The following CRADD variants were observed in gnomAD, a reference collection of about 807,000 sequenced individuals.
CRADD encodes the protein CARD and death domain containing adaptor protein, also known as death domain-containing protein CRADD.
A neutral mutation model predicts 15.5 loss-of-function variants in CRADD; 9 were observed. The ratio of observed to expected loss-of-function variants is 0.58; its 90% confidence interval spans 0.35 to 1.01. The LOEUF (loss-of-function observed/expected upper bound fraction) is 1.01. CRADD is among the 50% of genes least tolerant of loss of function. CRADD has a pLI of 0.02. For synonymous variants in CRADD, 118 were observed against 107.6 expected (o/e 1.10, Z -0.60); for missense variants, 227 against 250.3 (o/e 0.91, Z 0.63).
chr12:93,840,446 A>G (rs1958033296), intron 2 of CRADD, among the ~76,000 whole-genome samples: 1 of 152,160 alleles, frequency 6.6e-6, no homozygotes, highest in Admixed American at 6.5e-5. Context: ...CTCTTACTCT[A>G]ATAGATTATC....
intron 2 of CRADD, among the ~76,000 whole-genome samples, chr12:93,773,382 A>G (rs1344436371): frequency 6.6e-6 from 1 of 152,122 alleles, no homozygotes; most frequent in African/African-American, 2.4e-5. Flanking sequence ...TGATGATTAT[A>G]TAAGGGGGAG....
rs552770716 is a variant in CRADD, at chr12:93,706,110, C to T, written c.298+27038C>T. On this transcript the variant is annotated intron_variant, in intron 2 of 2. Coordinates refer to ENST00000332896, the MANE Select transcript of CRADD (RefSeq NM_003805.5). ...GAGACAAGTGTTGACATTTTGGTTT[C>T]TTTTGTTATGGTTTTATTGTTGTTA... Among the ~76,000 whole-genome samples, 323 of 152,160 alleles carry T rather than the reference C, an allele frequency of 2.1e-3. 2 individuals are homozygous for T. The highest frequency in any genetic ancestry group is 4.1e-3 in the Admixed American group (62 of 15,288).
At chr12:93,858,896 C>T (rs956607162) in intron 2 of CRADD, among the ~76,000 whole-genome samples, 2 of 152,226 alleles carry the variant, frequency 1.3e-5, no homozygotes, top group Admixed American at 6.5e-5. Flanking sequence ...GGTTTCCCCA[C>T]GCAGTCTATT....
chr12:93,769,335 C>T (rs1446373114), intron 2 of CRADD, among the ~76,000 whole-genome samples: 1 of 152,118 alleles, frequency 6.6e-6, no homozygotes, highest in African/African-American at 2.4e-5. Flanking sequence ...CCACTCGCCC[C>T]GCCCTCCCAA....
downstream of CRADD, among the ~76,000 whole-genome samples, chr12:93,855,023 C>T (rs1358924372): frequency 2.0e-5 from 3 of 151,866 alleles, no homozygotes; most frequent in Non-Finnish European, 1.5e-5. Context: ...TGTGAAACCC[C>T]GTCTCTACTA....
Position 93,776,472 on chromosome 12 carries a change from G to A in CRADD, c.299-73498G>A, listed in dbSNP as rs116314329. Among the ~76,000 whole-genome samples, 286 of 152,240 alleles carry A rather than the reference G, an allele frequency of 1.9e-3. 1 individual carries two copies. The highest frequency in any genetic ancestry group is 6.6e-3 in the African/African-American group (274 of 41,534). Reference sequence around the variant, plus strand: ...AGGCAGTACCATTTTCATTGTATCCGCAGGGTATGTGAATGCCTGTTTCCT... The same window carrying A: ...AGGCAGTACCATTTTCATTGTATCCACAGGGTATGTGAATGCCTGTTTCCT... On this transcript the variant is annotated intron_variant, in intron 2 of 2. Transcript: ENST00000332896.
rs116102220 is a variant in CRADD, at chr12:93,863,766, A to G, written c.299-30284A>G. Among the ~76,000 whole-genome samples, 689 of 152,254 alleles carry G rather than the reference A, an allele frequency of 4.5e-3. 7 individuals carry two copies. Among genetic ancestry groups the G allele is most frequent in the African/African-American group, 0.016 (656 of 41,542 alleles). ...ACCCAAAATACCAGTAACACCCCCAATAAGCACTGCTGTATGCTTCACATG... is the reference window on the plus strand; with the variant it reads ...ACCCAAAATACCAGTAACACCCCCAGTAAGCACTGCTGTATGCTTCACATG... On this transcript the variant is annotated intron_variant, in intron 2 of 2. Coordinates refer to the CRADD transcript ENST00000548483.
intron 2 of CRADD, among the ~76,000 whole-genome samples, chr12:93,721,828 A>G (rs922351194): frequency 2.0e-5 from 3 of 152,230 alleles, no homozygotes; most frequent in Admixed American, 2.0e-4. Context: ...AAGCATACAT[A>G]ACCAAATACA....
chr12:93,883,380 A>G (rs754634464), intron 2 of CRADD, among the ~76,000 whole-genome samples: 138 of 152,382 alleles, frequency 9.1e-4, no homozygotes, highest in Non-Finnish European at 1.6e-3. Flanking sequence ...AAGTATTACT[A>G]TAAGCTAAAT....
At chr12:93,706,521 G>C (rs1955955716) in intron 2 of CRADD, among the ~76,000 whole-genome samples, 1 of 152,166 alleles carries the variant, frequency 6.6e-6, no homozygotes, top group Non-Finnish European at 1.5e-5. Context: ...ATGTCTTGAA[G>C]GTAGTCGGGG....
chr12:93,685,936 T>C (rs1955420369), intron 2 of CRADD, among the ~76,000 whole-genome samples: 1 of 151,896 alleles, frequency 6.6e-6, no homozygotes, highest in African/African-American at 2.4e-5. Context: ...GAGGTTGTAG[T>C]GAGCTGAGAT....
At chr12:93,698,834 G>C (rs1030817413) in intron 2 of CRADD, among the ~76,000 whole-genome samples, 5 of 152,186 alleles carry the variant, frequency 3.3e-5, no homozygotes, top group Non-Finnish European at 5.9e-5. Context: ...GCAAATTTCA[G>C]TGTCTATAAA....
intron 2 of CRADD, among the ~76,000 whole-genome samples, chr12:93,713,621 CG>C (rs144946013): frequency 0.03 from 4,583 of 151,398 alleles, 138 homozygotes; most frequent in East Asian, 0.087. Flanking sequence ...GTTTTCTTAA[CG>C]TTTTTTTTAA....
intron 2 of CRADD, among the ~76,000 whole-genome samples, chr12:93,882,739 G>C (rs1202486040): frequency 6.6e-6 from 1 of 152,168 alleles, no homozygotes; most frequent in African/African-American, 2.4e-5. Context: ...TCTGAAGACA[G>C]CGTTGTCTTC....
chr12:93,807,912 G>A (rs1351993132), intron 2 of CRADD, among the ~76,000 whole-genome samples: 3 of 143,620 alleles, frequency 2.1e-5, no homozygotes, highest in Non-Finnish European at 1.5e-5. Context: ...GGTGAGAAGG[G>A]GTCTGACAGG....
rs147289299 is a variant in CRADD at position 93,820,781 on chromosome 12, T to C, written c.299-29189T>C. Among the ~76,000 whole-genome samples, 49 of 152,284 alleles carry C rather than the reference T, an allele frequency of 3.2e-4. No homozygotes were observed. In the East Asian group the frequency reaches 7.5e-3, roughly 23 times the overall value. ...TAAATTGGATCATGCCCCATTTCTC[T>C]CAGATATCACCCCCATGCCCAGTCC... On this transcript the variant is annotated intron_variant, in intron 2 of 2. Coordinates refer to ENST00000332896, the MANE Select transcript of CRADD (RefSeq NM_003805.5).
chr12:93,868,050 A>C (rs1468831661), intron 2 of CRADD, among the ~76,000 whole-genome samples: 5 of 152,206 alleles, frequency 3.3e-5, no homozygotes, highest in Non-Finnish European at 7.3e-5. Flanking sequence ...AGAAATAGGC[A>C]ATTTAATTTA....
At chr12:93,769,090 T>A (rs546050060) in intron 2 of CRADD, among the ~76,000 whole-genome samples, 313 of 152,238 alleles carry the variant, frequency 2.1e-3, no homozygotes, top group Middle Eastern at 3.4e-3. Flanking sequence ...TTATTTATTT[T>A]TTTTTTTGGA....
chr12:93,779,007 C>T (rs572644379), intron 2 of CRADD, among the ~76,000 whole-genome samples: 43 of 152,186 alleles, frequency 2.8e-4, no homozygotes, highest in African/African-American at 8.7e-4. Context: ...GGAGCCAAAG[C>T]GTTATGCCTG....
Sources: gnomAD v4.1 joint callset for allele counts (sites outside exome capture counted in the v4.1 genomes callset) on GRCh38, gnomAD v4.1.1 for gene constraint, MANE v1.5 for transcripts, NCBI Gene and HGNC (gene_info 2026-07-23, HGNC 2026-07-21) for gene names.